The following PSMD3 variants were observed in gnomAD, a reference collection of about 807,000 sequenced individuals.
PSMD3 encodes proteasome 26S subunit, non-ATPase 3.
Under a neutral mutation model 62.8 loss-of-function variants are expected in PSMD3, and 5 were observed. That is an observed-to-expected ratio of 0.08 (90% CI 0.04 to 0.17). The LOEUF is 0.17. PSMD3 is among the 10% of genes least tolerant of loss of function. PSMD3 has a pLI of 1.00. For missense variants in PSMD3, 524 were observed against 713.6 expected (o/e 0.73, Z 3.03); for synonymous variants, 265 against 283.9 (o/e 0.93, Z 0.67).
At chr17:39,989,973 C>T (rs1388792899) in intron 5 of PSMD3, 44 bp downstream of exon 5, 1 of 1,595,240 alleles carries the variant, frequency 6.3e-7, no homozygotes, top group African/African-American at 1.3e-5. Context: ...GTGTCTCAGG[C>T]CTGCCTGGTG....
chr17:39,986,472 T>C, intron 2 of PSMD3, 103 bp from the exon 3 acceptor site: 1 of 1,395,186 alleles, frequency 7.2e-7, no homozygotes, highest in Non-Finnish European at 1.0e-6. Flanking sequence ...TGGCACATGG[T>C]AGACACTCAA....
chr17:39,984,073 G>A (rs1412503695), intron 1 of PSMD3, among the ~76,000 whole-genome samples: 3 of 151,990 alleles, frequency 2.0e-5, no homozygotes, highest in African/African-American at 4.8e-5. Flanking sequence ...GGTGGCGGGT[G>A]CCTGTAGTCC....
rs1433198949 is a variant in PSMD3 at position 39,995,129 on chromosome 17, G to T, written c.1097-47G>T. 3.1e-6 allele frequency: 5 copies of T among 1,613,810 alleles called. No individual in the cohort carries two copies. Among genetic ancestry groups the T allele is most frequent in the Non-Finnish European group, 4.2e-6 (5 of 1,179,996 alleles). On this transcript the variant is annotated intron_variant, in intron 7 of 11. Transcript: ENST00000264639. The surrounding 1 kb of genome is among the most constrained non-coding windows in gnomAD (Gnocchi z 4.1). ...CCCCCTTCAGTGGGGCCTCTTACAT[G>T]CCTGTGCCTATTTGCATCATCCAAT...
At chr17:39,992,012 A>G (rs60082402) in intron 6 of PSMD3, among the ~76,000 whole-genome samples, 42,069 of 134,820 alleles carry the variant, frequency 0.31, 7,395 homozygotes, top group East Asian at 0.41. Flanking sequence ...GCGACAGAGC[A>G]AGACTCTGTC....
chr17:39,981,228 G>A (rs1402388379), intron 1 of PSMD3, 38 bp downstream of exon 1: 1 of 1,547,842 alleles, frequency 6.5e-7, no homozygotes, highest in South Asian at 1.2e-5. Context: ...CGCGATCGCG[G>A]GTGACAGCGA....
At chr17:39,991,530 G>C (rs1251623979) in intron 6 of PSMD3, among the ~76,000 whole-genome samples, 1 of 152,180 alleles carries the variant, frequency 6.6e-6, no homozygotes, top group African/African-American at 2.4e-5. Context: ...TGTATGTGAA[G>C]TCACAGAGCC....
At chr17:39,983,135 C>T (rs1160284639) in intron 1 of PSMD3, among the ~76,000 whole-genome samples, 6 of 151,984 alleles carry the variant, frequency 3.9e-5, no homozygotes, top group Admixed American at 3.3e-4. Context: ...CAAGTTCAAG[C>T]GATTCTCCTG....
intron 4 of PSMD3, among the ~76,000 whole-genome samples, chr17:39,989,177 C>T (rs1392661669): frequency 6.6e-6 from 1 of 152,124 alleles, no homozygotes; most frequent in Non-Finnish European, 1.5e-5. Context: ...CCTTACAATA[C>T]CTCATAAGGC....
chr17:39,985,598 C>T (rs928193382), intron 2 of PSMD3, among the ~76,000 whole-genome samples: 1 of 152,242 alleles, frequency 6.6e-6, no homozygotes, highest in Non-Finnish European at 1.5e-5. Context: ...ATCCTGTATA[C>T]TCAGTCAGCT....
In PSMD3 at chr17:39,995,124, T is replaced by TA. The variant is rs1201861037; in HGVS notation, c.1097-51dup. On this transcript the variant is annotated intron_variant, in intron 7 of 11. Coordinates refer to ENST00000264639, the MANE Select transcript of PSMD3 (RefSeq NM_002809.4). The surrounding 1 kb of genome is among the most constrained non-coding windows in gnomAD (Gnocchi z 4.1). The stretch of plus-strand genomic sequence containing the variant: ...CTAGGCCCCCTTCAGTGGGGCCTCT[T>TA]ACATGCCTGTGCCTATTTGCATCAT... 15 of 1,613,900 alleles carry TA rather than the reference T, an allele frequency of 9.3e-6. No homozygotes were observed. Among genetic ancestry groups the TA allele is most frequent in the Non-Finnish European group, 1.3e-5 (15 of 1,179,968 alleles).
chr17:39,984,711 T>A (rs1027235401), intron 2 of PSMD3, among the ~76,000 whole-genome samples: 1 of 152,178 alleles, frequency 6.6e-6, no homozygotes. Flanking sequence ...CCAAACTCAT[T>A]TCCCACTACC....
Position 39,996,441 on chromosome 17 carries a change from C to A in PSMD3, c.1476+103C>A. 7.0e-7 allele frequency: 1 copy of A among 1,425,932 alleles called. No individual in the cohort carries two copies. The highest frequency in any genetic ancestry group is 1.3e-5 in the South Asian group (1 of 77,822). 88.3% of individuals were successfully genotyped at this position (1,425,932 alleles called of 1,614,324 possible). A position where few individuals can be genotyped will look rare whatever the true frequency, so the allele number is the denominator to read the frequency against. ...GACTGGCTTAATTTGTGGCCCACGT[C>A]CCAGCCAATCTCTGTAAAATCACTG... On this transcript the variant is annotated intron_variant, in intron 10 of 11. Coordinates refer to ENST00000264639, the MANE Select transcript of PSMD3 (RefSeq NM_002809.4). This position sits in a 1 kb window ranked among gnomAD's most constrained non-coding sequence, Gnocchi z 5.1.
chr17:39,988,038 C>T (rs1014571135), intron 3 of PSMD3, among the ~76,000 whole-genome samples: 3 of 152,126 alleles, frequency 2.0e-5, no homozygotes, highest in Non-Finnish European at 4.4e-5. Context: ...ACCAGGGAGG[C>T]GGAGGTTGTG....
intron 2 of PSMD3, among the ~76,000 whole-genome samples, chr17:39,985,130 A>G (rs867817873): frequency 6.6e-6 from 1 of 152,158 alleles, no homozygotes; most frequent in Non-Finnish European, 1.5e-5. Flanking sequence ...CGGGAGGCTG[A>G]GGCAGGAGGA....
Position 39,995,013 on chromosome 17 carries a change from G to T in PSMD3, c.1041G>T (p.Gln347His). ...LLLGEIPDRL[Q>H]FRQPSLKRSL... ...TGGGGGAGATCCCTGACCGGCTGCAGTTCCGCCAGCCCTCCCTCAAGCGCT... is the reference window on the plus strand; with the variant it reads ...TGGGGGAGATCCCTGACCGGCTGCATTTCCGCCAGCCCTCCCTCAAGCGCT... The change falls in exon 7 of 12, where the codon CAG (glutamine) becomes CAT (histidine). Residue 347 changes from glutamine (Q) to histidine (H), a missense_variant. Physicochemically the swap from Gln to His is conservative, Grantham distance 24. This residue lies in a region of PSMD3 where 396 missense variants were observed against 475.8 expected (regional missense o/e 0.83). Coordinates refer to ENST00000264639, the MANE Select transcript of PSMD3 (RefSeq NM_002809.4). The surrounding 1 kb of genome is among the most constrained non-coding windows in gnomAD (Gnocchi z 4.1). The T allele has an allele frequency of 1.2e-6, 2 of 1,614,168 alleles. No homozygotes were observed. The highest frequency in any genetic ancestry group is 1.7e-6 in the Non-Finnish European group (2 of 1,180,046).
intron 2 of PSMD3, among the ~76,000 whole-genome samples, chr17:39,985,610 C>T (rs1013821298): frequency 4.6e-5 from 7 of 152,174 alleles, no homozygotes; most frequent in African/African-American, 1.7e-4. Flanking sequence ...CAGTCAGCTC[C>T]GTGGATGGGG....
chr17:39,989,692 G>C, intron 4 of PSMD3, 47 bp from the exon 5 acceptor site: 1 of 1,557,764 alleles, frequency 6.4e-7, no homozygotes, highest in South Asian at 1.1e-5. Flanking sequence ...AGGCAGTTCA[G>C]AGAGTTGTGA....
At chr17:39,986,093 C>T (rs187039683) in intron 2 of PSMD3, among the ~76,000 whole-genome samples, 3 of 152,114 alleles carry the variant, frequency 2.0e-5, no homozygotes, top group Admixed American at 2.0e-4. Context: ...TGCCAGCCTC[C>T]TTGACTTGTT....
intron 6 of PSMD3, among the ~76,000 whole-genome samples, chr17:39,991,616 G>C (rs913281942): frequency 6.6e-6 from 1 of 152,134 alleles, no homozygotes; most frequent in Admixed American, 6.5e-5. Flanking sequence ...CCACCTCCAT[G>C]GTGTCTTGAC....
Sources: gnomAD v4.1 joint callset for allele counts (sites outside exome capture counted in the v4.1 genomes callset) on GRCh38, gnomAD v4.1.1 for gene constraint, gnomAD v4.1.1 regional missense constraint, Gnocchi (gnomAD v3.1) non-coding constraint, MANE v1.5 for transcripts, NCBI Gene and HGNC (gene_info 2026-07-23, HGNC 2026-07-21) for gene names.